Variants in PRR14L observed in about 807,000 individuals in gnomAD.
PRR14L encodes the protein protein PRR14L.
A neutral mutation model predicts 155.0 loss-of-function variants in PRR14L; 80 were observed. The observed-to-expected ratio is 0.52, with a 90% CI of 0.43 to 0.62. The LOEUF (loss-of-function observed/expected upper bound fraction) is 0.62. Ranked by LOEUF, PRR14L falls within the 20% of genes least tolerant of loss-of-function variation. The probability of loss-of-function intolerance (pLI) is 0.00; values close to 1 mark genes in which losing one functional copy is unlikely to be tolerated. For synonymous variants in PRR14L, 883 were observed against 916.0 expected (o/e 0.96, Z 0.65); for missense variants, 2,469 against 2,548.0 (o/e 0.97, Z 0.67).
In PRR14L at chr22:31,738,669, G is replaced by C; in HGVS notation, c.192C>G (p.Pro64=). The change falls in exon 2 of 9, where the codon CCC becomes CCG. Residue 64 remains proline (P), a synonymous_variant. Transcript: ENST00000327423. ...CCACATGAGTCCTCTGCAGCTCCAA[G>C]GGCAATGCCCTATTCTGACTTAAAA... The part of the protein sequence containing the change: ...SSLLSQNRAL[P]LELQRTHVES... 1.3e-6 allele frequency: 2 copies of C among 1,552,010 alleles called. No homozygotes were observed. Among genetic ancestry groups the C allele is most frequent in the Non-Finnish European group, 1.7e-6 (2 of 1,147,072 alleles).
chr22:31,722,524 G>T (rs1317648765), intron 3 of PRR14L, among the ~76,000 whole-genome samples: 2 of 138,212 alleles, frequency 1.4e-5, no homozygotes, highest in Non-Finnish European at 3.2e-5. Flanking sequence ...GCATCATTCA[G>T]TTTTTTTTTT....
chr22:31,685,588 A>C lies in PRR14L; in HGVS notation c.6395T>G (p.Leu2132Arg). ...RELDALLIQKLMELETFFAKE... is the reference protein window; with the variant it reads ...RELDALLIQKRMELETFFAKE... The stretch of plus-strand genomic sequence containing the variant: ...GGCAAAGAAGGTCTCCAGTTCCATT[A>C]GTTTCTGTATCAAAAGAGCATCCAG... Residue 2132 changes from leucine (L) to arginine (R), a missense_variant, in exon 9 of 9, where the codon CTA (leucine) becomes CGA (arginine). Leu to Arg is a moderately radical substitution (Grantham distance 102). Around this residue, in one of 2 missense-constraint regions of PRR14L, gnomAD observed 106 missense variants for 176.4 expected, o/e 0.60. Transcript: ENST00000327423. The C allele has an allele frequency of 6.4e-7, 1 of 1,552,014 alleles. No homozygotes were observed. The highest frequency in any genetic ancestry group is 8.7e-7 in the Non-Finnish European group (1 of 1,147,024).
intron 1 of PRR14L, among the ~76,000 whole-genome samples, chr22:31,748,756 A>C (rs2074854485): frequency 6.6e-6 from 1 of 152,190 alleles, no homozygotes; most frequent in Non-Finnish European, 1.5e-5. Context: ...CCTTCTGTGG[A>C]CAAAGGAAGT....
At chr22:31,749,373 A>C (rs1056700183) in intron 1 of PRR14L, among the ~76,000 whole-genome samples, 1 of 152,148 alleles carries the variant, frequency 6.6e-6, no homozygotes, top group Admixed American at 6.5e-5. Context: ...GAGAGGGAGA[A>C]AGGTTGATTT....
In PRR14L at chr22:31,738,378, A is replaced by G. The variant is rs939446646; in HGVS notation, c.474+9T>C. Reference sequence around the variant, plus strand: ...CTCAACTCTTCGGAATGGAGATTTCATTTCTTACCTGACTCGGGCTAGTCT... The same window carrying G: ...CTCAACTCTTCGGAATGGAGATTTCGTTTCTTACCTGACTCGGGCTAGTCT... On this transcript the variant is annotated intron_variant, in intron 2 of 8. Coordinates refer to ENST00000327423, the MANE Select transcript of PRR14L (RefSeq NM_173566.3). 7.1e-6 allele frequency: 11 copies of G among 1,548,266 alleles called. No individual in the cohort carries two copies. In the African/African-American group the frequency reaches 9.6e-5, roughly 14 times the overall value.
chr22:31,749,431 G>C lies in PRR14L; in HGVS notation c.-52+562C>G, dbSNP rs139115402. Among the ~76,000 whole-genome samples the C allele has an allele frequency of 3.9e-5, 6 of 152,224 alleles. No individual in the cohort carries two copies. The East Asian group carries it at 9.7e-4, about 25-fold the overall frequency. ...CAAGGTCTTCCTCTCCGTATCTTGG[G>C]GTACAGGCGAAAAATAAAGGAGGAA... On this transcript the variant is annotated intron_variant, in intron 1 of 8. Coordinates refer to ENST00000327423, the MANE Select transcript of PRR14L (RefSeq NM_173566.3).
At chr22:31,727,433 C>A (rs949206910) in intron 2 of PRR14L, among the ~76,000 whole-genome samples, 2 of 151,570 alleles carry the variant, frequency 1.3e-5, no homozygotes, top group Non-Finnish European at 2.9e-5. Context: ...AGGGTTTCAC[C>A]GTTGTTGCTC....
chr22:31,731,565 CAAAAAAAAAAAAAAA>C (rs55727852), intron 2 of PRR14L, among the ~76,000 whole-genome samples: 2 of 49,262 alleles, frequency 4.1e-5, no homozygotes, highest in Non-Finnish European at 7.9e-5. Context: ...GAGACTGTCT[CAAAAAAAAAAAAAAA>C]AAAAAAAAAA....
chr22:31,691,251 C>T (rs1283169843), intron 7 of PRR14L, among the ~76,000 whole-genome samples: 1 of 151,942 alleles, frequency 6.6e-6, no homozygotes, highest in African/African-American at 2.4e-5. Flanking sequence ...ACAGGCATGT[C>T]GGGCTAATTT....
At chr22:31,730,377 A>G (rs61273982) in intron 2 of PRR14L, among the ~76,000 whole-genome samples, 21,500 of 151,920 alleles carry the variant, frequency 0.14, 1,807 homozygotes, top group African/African-American at 0.22. Flanking sequence ...CCGGGAGGCG[A>G]AGGTTGCAGT....
In PRR14L at chr22:31,685,513, A is replaced by G; in HGVS notation, c.*14T>C. Reference sequence around the variant, plus strand: ...AAAAACCCTAAAATTGAGACCCTCAAACTGAATCGCTTCTCAACAGCCTGA... The same window carrying G: ...AAAAACCCTAAAATTGAGACCCTCAGACTGAATCGCTTCTCAACAGCCTGA... On this transcript the variant is annotated 3_prime_UTR_variant, in exon 9 of 9. Coordinates refer to ENST00000327423, the MANE Select transcript of PRR14L (RefSeq NM_173566.3). The G allele has an allele frequency of 1.3e-6, 2 of 1,527,988 alleles. No homozygotes were observed. Among genetic ancestry groups the G allele is most frequent in the Non-Finnish European group, 1.8e-6 (2 of 1,132,904 alleles). 94.7% of individuals were successfully genotyped at this position (1,527,988 alleles called of 1,614,324 possible).
chr22:31,721,783 A>G (rs1207723990), intron 3 of PRR14L, among the ~76,000 whole-genome samples: 2 of 152,218 alleles, frequency 1.3e-5, no homozygotes, highest in Non-Finnish European at 2.9e-5. Flanking sequence ...TATACGATGT[A>G]TTATCACATA....
intron 2 of PRR14L, among the ~76,000 whole-genome samples, chr22:31,736,957 G>A (rs912865738): frequency 7.1e-6 from 1 of 141,546 alleles, no homozygotes; most frequent in Non-Finnish European, 1.5e-5. Flanking sequence ...CGAATTGCTC[G>A]ATCCCAGGAG....
intron 1 of PRR14L, among the ~76,000 whole-genome samples, chr22:31,740,130 T>C (rs1188466278): frequency 1.3e-5 from 2 of 152,022 alleles, no homozygotes; most frequent in Non-Finnish European, 2.9e-5. Context: ...GTGCAATCGT[T>C]CCTCACCGCA....
chr22:31,697,301 C>CA (rs35748258), intron 7 of PRR14L, among the ~76,000 whole-genome samples: 12,454 of 57,774 alleles, frequency 0.22, 1,490 homozygotes, highest in African/African-American at 0.4. Flanking sequence ...TACTCTGTCT[C>CA]AAAAAAAAAA....
intron 6 of PRR14L, 82 bp from the exon 7 acceptor site, chr22:31,701,844 G>C (rs968361897): frequency 2.8e-5 from 30 of 1,076,022 alleles, no homozygotes; most frequent in Non-Finnish European, 4.0e-5. Flanking sequence ...GTCTCACTCT[G>C]TGGCCCAGGC....
Position 31,714,648 on chromosome 22 carries a change from A to G in PRR14L, c.3191T>C (p.Leu1064Pro). 1.3e-6 allele frequency: 2 copies of G among 1,552,184 alleles called. No individual in the cohort carries two copies. The highest frequency in any genetic ancestry group is 1.7e-6 in the Non-Finnish European group (2 of 1,147,090). Residue 1064 changes from leucine (L) to proline (P), a missense_variant, in exon 4 of 9, where the codon CTT becomes CCT. Physicochemically the swap from Leu to Pro is moderately conservative, Grantham distance 98 (BLOSUM62 -3). Around this residue, in one of 2 missense-constraint regions of PRR14L, gnomAD observed 2,363 missense variants for 2,371.6 expected, o/e 1.00. Transcript: ENST00000327423. ...CTTCACGTCCAGCACACCTTCTGCA[A>G]GCTTATTACTACAGTCCGTGTAGAC... Reference protein sequence around the residue: ...DIVYTDCSNKLAEGVLDVKAS... With the variant: ...DIVYTDCSNKPAEGVLDVKAS...
At chr22:31,720,942 A>G (rs1032238324) in intron 3 of PRR14L, among the ~76,000 whole-genome samples, 2 of 152,210 alleles carry the variant, frequency 1.3e-5, no homozygotes, top group Non-Finnish European at 2.9e-5. Flanking sequence ...TAATATTGCC[A>G]TTGTTCCTGA....
chr22:31,707,388 AT>A (rs1335780794), intron 4 of PRR14L, among the ~76,000 whole-genome samples: 1 of 151,314 alleles, frequency 6.6e-6, no homozygotes, highest in Non-Finnish European at 1.5e-5. Context: ...GGCACAACCT[AT>A]TTTTTTTGGG....
Sources: gnomAD v4.1 joint callset for allele counts (sites outside exome capture counted in the v4.1 genomes callset) on GRCh38, gnomAD v4.1.1 for gene constraint, gnomAD v4.1.1 regional missense constraint, MANE v1.5 for transcripts, NCBI Gene and HGNC (gene_info 2026-07-23, HGNC 2026-07-21) for gene names.